The following KLHL3 variants were observed in gnomAD, a reference collection of about 807,000 sequenced individuals.
KLHL3 encodes kelch like family member 3.
A neutral mutation model predicts 70.5 loss-of-function variants in KLHL3; 19 were observed. The observed-to-expected ratio is 0.27, with a 90% confidence interval of 0.19 to 0.40. The LOEUF (loss-of-function observed/expected upper bound fraction) is 0.40, where lower values mean the gene tolerates loss of function less well. Ranked by LOEUF, KLHL3 falls within the 10% of genes least tolerant of loss-of-function variation. The probability of loss-of-function intolerance (pLI) is 1.00; values close to 1 mark genes in which losing one functional copy is unlikely to be tolerated. For missense variants in KLHL3, 512 were observed against 771.1 expected, an observed-to-expected ratio of 0.66 and a Z score of 3.98; for synonymous variants, 258 against 290.3, an observed-to-expected ratio of 0.89 and a Z score of 1.13.
intron 6 of KLHL3, among the ~76,000 whole-genome samples, chr5:137,672,190 C>T (rs921141665): frequency 7.2e-5 from 11 of 152,188 alleles, no homozygotes; most frequent in Non-Finnish European, 1.5e-4. Flanking sequence ...GCCAACAGCT[C>T]GGCCTAGGCA....
intron 8 of KLHL3, among the ~76,000 whole-genome samples, chr5:137,649,707 C>A (rs963680026): frequency 6.6e-6 from 1 of 152,132 alleles, no homozygotes; most frequent in African/African-American, 2.4e-5. Flanking sequence ...TCCTCATCTG[C>A]AAAATGGGGA....
chr5:137,683,959 G>A (rs1458573379), intron 5 of KLHL3, among the ~76,000 whole-genome samples: 2 of 152,160 alleles, frequency 1.3e-5, no homozygotes, highest in African/African-American at 4.8e-5. Context: ...CTGCACGACT[G>A]CCTCATTTGC....
At chr5:137,685,014 G>C (rs1426562305) in intron 5 of KLHL3, among the ~76,000 whole-genome samples, 1 of 152,180 alleles carries the variant, frequency 6.6e-6, no homozygotes, top group Non-Finnish European at 1.5e-5. Context: ...ATAGGCAGCT[G>C]GACATAGAGA....
intron 12 of KLHL3, among the ~76,000 whole-genome samples, chr5:137,630,961 C>G (rs181478467): frequency 6.8e-5 from 10 of 147,810 alleles, no homozygotes; most frequent in Admixed American, 5.6e-4. Context: ...AGTGAGCACA[C>G]AAAGGCTCTT....
chr5:137,626,415 C>T (rs1371450097), intron 13 of KLHL3, among the ~76,000 whole-genome samples: 2 of 152,252 alleles, frequency 1.3e-5, no homozygotes, highest in East Asian at 3.9e-4. Context: ...ACACAACTCC[C>T]AGGGATGCAG....
intron 5 of KLHL3, among the ~76,000 whole-genome samples, chr5:137,681,176 G>A (rs1752016547): frequency 1.3e-5 from 2 of 152,088 alleles, no homozygotes; most frequent in South Asian, 4.1e-4. Flanking sequence ...TATATTAAAT[G>A]GAAATAATAA....
intron 8 of KLHL3, among the ~76,000 whole-genome samples, chr5:137,644,389 T>C (rs760743207): frequency 6.6e-6 from 1 of 152,222 alleles, no homozygotes; most frequent in Non-Finnish European, 1.5e-5. Flanking sequence ...TTGAATAGTA[T>C]ATATACCTCA....
intron 5 of KLHL3, among the ~76,000 whole-genome samples, chr5:137,690,732 G>A (rs1752299997): frequency 6.6e-6 from 1 of 152,050 alleles, no homozygotes; most frequent in Non-Finnish European, 1.5e-5. Flanking sequence ...CCAAGAAATG[G>A]AGCAAATGCT....
intron 4 of KLHL3, among the ~76,000 whole-genome samples, chr5:137,697,304 A>G (rs1490122336): frequency 6.6e-6 from 1 of 151,906 alleles, no homozygotes; most frequent in Non-Finnish European, 1.5e-5. Flanking sequence ...GATGGAATTA[A>G]AGGCACCTGC....
At chr5:137,735,341 G>T (rs909182515) in intron 1 of KLHL3, among the ~76,000 whole-genome samples, 1 of 152,220 alleles carries the variant, frequency 6.6e-6, no homozygotes, top group Non-Finnish European at 1.5e-5. Flanking sequence ...TTCAGCCTGT[G>T]CTGAAACTAT....
intron 2 of KLHL3, among the ~76,000 whole-genome samples, chr5:137,714,939 T>G (rs1010757741): frequency 2.0e-5 from 3 of 152,188 alleles, no homozygotes; most frequent in African/African-American, 7.2e-5. Flanking sequence ...AGATTAAAAT[T>G]GTCAAAATGA....
chr5:137,671,945 C>T (rs1431810157), intron 6 of KLHL3: 1 of 152,050 alleles, frequency 6.6e-6, no homozygotes, highest in Non-Finnish European at 1.5e-5. Context: ...TACTTCAATA[C>T]AAACTTCCTG....
chr5:137,631,180 A>T (rs1030300515), intron 12 of KLHL3, among the ~76,000 whole-genome samples: 6 of 152,036 alleles, frequency 3.9e-5, no homozygotes, highest in African/African-American at 1.4e-4. Context: ...TCAGATTGGT[A>T]ATCAGTCACC....
At chr5:137,726,587 C>G (rs1753088509) in intron 1 of KLHL3, among the ~76,000 whole-genome samples, 1 of 152,176 alleles carries the variant, frequency 6.6e-6, no homozygotes, top group Non-Finnish European at 1.5e-5. Context: ...TGTAACTCAA[C>G]TGGCACATAG....
chr5:137,643,435 G>A (rs1387523955), intron 8 of KLHL3, among the ~76,000 whole-genome samples: 1 of 151,944 alleles, frequency 6.6e-6, no homozygotes, highest in African/African-American at 2.4e-5. Context: ...ACTGGTAAGA[G>A]ATAACTTTAA....
intron 4 of KLHL3, among the ~76,000 whole-genome samples, chr5:137,697,758 G>A (rs371877379): frequency 3.3e-5 from 5 of 152,058 alleles, no homozygotes; most frequent in South Asian, 2.1e-4. Flanking sequence ...ATCCAAGTTT[G>A]TAAACACTTT....
intron 1 of KLHL3, 161 bp from the exon 2 acceptor site, chr5:137,720,745 A>G: frequency 6.9e-7 from 1 of 1,445,758 alleles, no homozygotes; most frequent in Non-Finnish European, 9.1e-7. Context: ...GAATTTCTTC[A>G]TATCTTCCAA....
At chr5:137,718,245 C>G (rs1752933456) in intron 2 of KLHL3, among the ~76,000 whole-genome samples, 1 of 152,158 alleles carries the variant, frequency 6.6e-6, no homozygotes, top group Admixed American at 6.5e-5. Flanking sequence ...TTAGAGATGG[C>G]TAAATCTAAG....
At chr5:137,683,069 G>A (rs56289631) in intron 5 of KLHL3, among the ~76,000 whole-genome samples, 28,917 of 152,004 alleles carry the variant, frequency 0.19, 3,008 homozygotes, top group Non-Finnish European at 0.23. Context: ...AACTTTCTCT[G>A]AGACCCAACT....
Sources: gnomAD v4.1 joint callset for allele counts (sites outside exome capture counted in the v4.1 genomes callset) on GRCh38, gnomAD v4.1.1 for gene constraint, MANE v1.5 for transcripts, NCBI Gene and HGNC (gene_info 2026-07-23, HGNC 2026-07-21) for gene names.